WASHC2C: variants seen among roughly 807,000 people sequenced by gnomAD.
The protein encoded by WASHC2C is Vaccinia Penetration Factor.
In WASHC2C, 73 loss-of-function variants were observed where a neutral mutation model predicts 142.2. That is an observed-to-expected ratio of 0.51 (90% CI 0.43 to 0.62). The LOEUF (loss-of-function observed/expected upper bound fraction) is 0.62. Ranked by LOEUF, WASHC2C falls within the 20% of genes least tolerant of loss-of-function variation. WASHC2C has a pLI of 0.00. For synonymous variants in WASHC2C, 337 were observed against 565.5 expected (o/e 0.60, Z 5.73); for missense variants, 969 against 1,531.7 (o/e 0.63, Z 6.13).
In WASHC2C at chr10:45,790,391, T is replaced by A; in HGVS notation, c.3744T>A (p.Ser1248=). Residue 1248 remains serine (S), a synonymous_variant, in exon 30 of 31, where the codon TCT becomes TCA. Transcript: ENST00000623400. ...DIFATEAIKP[S]QKTREKEKTL... ...TTGCTACGGAAGCAATTAAACCCTC[T>A]CAGAAAACCAGAGAGAAGGAGAAAA... 6.2e-7 allele frequency: 1 copy of A among 1,610,704 alleles called. No homozygotes were observed. The highest frequency in any genetic ancestry group is 8.5e-7 in the Non-Finnish European group (1 of 1,179,626).
chr10:45,791,820 A>G lies in WASHC2C; in HGVS notation c.3887-441A>G, dbSNP rs1394784604. On this transcript the variant is annotated intron_variant, in intron 30 of 30. Coordinates refer to ENST00000623400, the MANE Select transcript of WASHC2C (RefSeq NM_001330074.2). ...CAGTGACGGAGGCTTACAGTCTTACATCGAGATGCCTCAAATCAGTGCATT... is the reference window on the plus strand; with the variant it reads ...CAGTGACGGAGGCTTACAGTCTTACGTCGAGATGCCTCAAATCAGTGCATT... Among the ~76,000 whole-genome samples, 2 of 146,272 alleles carry G rather than the reference A, an allele frequency of 1.4e-5. 1 individual carries two copies.
chr10:45,785,570 A>C lies in WASHC2C; in HGVS notation c.2750A>C (p.Lys917Thr). 1 of 1,613,992 alleles carries C rather than the reference A, an allele frequency of 6.2e-7. No individual in the cohort carries two copies. The highest frequency in any genetic ancestry group is 8.5e-7 in the Non-Finnish European group (1 of 1,179,868). The stretch of plus-strand genomic sequence containing the variant: ...TCTGTTAACTCTTTCAAAAACCAGA[A>C]ACATCCTGAATCCATTCAAGGTAGT... Reference protein sequence around the residue: ...DHSVNSFKNQKHPESIQGSKE... With the variant: ...DHSVNSFKNQTHPESIQGSKE... Residue 917 changes from lysine (K) to threonine (T), a missense_variant, in exon 26 of 31, where the codon AAA becomes ACA. Transcript: ENST00000623400.
chr10:45,740,773 C>A (rs1302198386), intron 5 of WASHC2C, among the ~76,000 whole-genome samples: 1 of 152,200 alleles, frequency 6.6e-6, no homozygotes, highest in Non-Finnish European at 1.5e-5. Context: ...TGTCCAGGCT[C>A]CCTCATAGCC....
At chr10:45,754,623 T>C (rs1209213128) in intron 14 of WASHC2C, 78 bp downstream of exon 14, 108 of 1,365,074 alleles carry the variant, frequency 7.9e-5, no homozygotes, top group East Asian at 1.0e-4. Context: ...TCTTCTAAAG[T>C]CTGGCTGGAG....
At chr10:45,740,321 A>ATGCCC (rs2134257111) in intron 5 of WASHC2C, 75 bp downstream of exon 5, 10 of 538,864 alleles carry the variant, frequency 1.9e-5, no homozygotes, top group Admixed American at 1.3e-4. Flanking sequence ...CACGATTAGT[A>ATGCCC]AGTCATGGAC....
At chr10:45,731,197 A>G (rs1467179060) in intron 3 of WASHC2C, among the ~76,000 whole-genome samples, 2 of 143,898 alleles carry the variant, frequency 1.4e-5, no homozygotes, top group African/African-American at 2.6e-5. Context: ...TTTTCCATCC[A>G]TCTCTCCATC....
chr10:45,752,556 C>T (rs2053735682), intron 11 of WASHC2C, 32 bp from the exon 12 acceptor site: 11 of 1,568,740 alleles, frequency 7.0e-6, no homozygotes, highest in Non-Finnish European at 9.6e-6. Flanking sequence ...ATCTTTAATA[C>T]TCCCTGCAAA....
chr10:45,727,682 G>T, intron 2 of WASHC2C, 143 bp downstream of exon 2: 1 of 1,276,672 alleles, frequency 7.8e-7, no homozygotes, highest in Non-Finnish European at 1.0e-6. Flanking sequence ...TAGCCCCCGA[G>T]AATGCCACCC....
intron 21 of WASHC2C, among the ~76,000 whole-genome samples, chr10:45,773,892 CAAAAAAA>C (rs71023148): frequency 4.7e-3 from 145 of 31,094 alleles, no homozygotes; most frequent in Middle Eastern, 0.029. Flanking sequence ...TACTGCAGGC[CAAAAAAA>C]AAAAAAAAAA....
At chr10:45,731,654 C>T (rs1446854969) in intron 3 of WASHC2C, among the ~76,000 whole-genome samples, 2 of 151,996 alleles carry the variant, frequency 1.3e-5, no homozygotes, top group African/African-American at 2.4e-5. Flanking sequence ...ATCTTAATTA[C>T]TTCCCAGACC....
In WASHC2C at chr10:45,769,688, A is replaced by C. The variant is rs536623089; in HGVS notation, c.2039+70A>C. The C allele has an allele frequency of 2.1e-5, 34 of 1,609,080 alleles. No individual in the cohort carries two copies. The African/African-American group carries it at 4.4e-4, about 21-fold the overall frequency. On this transcript the variant is annotated intron_variant, in intron 20 of 30. Coordinates refer to ENST00000623400, the MANE Select transcript of WASHC2C (RefSeq NM_001330074.2). The stretch of plus-strand genomic sequence containing the variant: ...AACAAGAAAAGGAATCTGATGCACA[A>C]TCTAGTTCATCGGGTGATTGCTAAT...
At chr10:45,791,023 GT>G (rs1411812623) in intron 30 of WASHC2C, among the ~76,000 whole-genome samples, 2 of 152,074 alleles carry the variant, frequency 1.3e-5, no homozygotes, top group African/African-American at 4.8e-5. Context: ...GGTCTTTGGT[GT>G]TTGGGAACAA....
At chr10:45,751,829 T>C (rs1315531980) in intron 11 of WASHC2C, among the ~76,000 whole-genome samples, 5 of 151,816 alleles carry the variant, frequency 3.3e-5, no homozygotes, top group Non-Finnish European at 5.9e-5. Context: ...TACAAAAAAT[T>C]AGCTTGGCAT....
chr10:45,735,835 G>A (rs2051156047), intron 3 of WASHC2C, among the ~76,000 whole-genome samples: 1 of 152,128 alleles, frequency 6.6e-6, no homozygotes, highest in Non-Finnish European at 1.5e-5. Flanking sequence ...TTGGGTAAGG[G>A]GCACTTGAGT....
intron 15 of WASHC2C, among the ~76,000 whole-genome samples, chr10:45,756,779 A>G (rs559426658): frequency 1.5e-3 from 226 of 152,390 alleles, no homozygotes; most frequent in African/African-American, 5.0e-3. Context: ...TTGGATAAGC[A>G]TGTCAGCCAC....
intron 13 of WASHC2C, among the ~76,000 whole-genome samples, 187 bp downstream of exon 13, chr10:45,753,424 T>C (rs1447082165): frequency 2.1e-5 from 3 of 143,356 alleles, no homozygotes; most frequent in Non-Finnish European, 3.0e-5. Context: ...AACAGTACCA[T>C]CTGTAAACCC....
At chr10:45,761,823 C>A (rs1187798871) in intron 17 of WASHC2C, among the ~76,000 whole-genome samples, 1 of 152,152 alleles carries the variant, frequency 6.6e-6, no homozygotes, top group Non-Finnish European at 1.5e-5. Context: ...CAGCAGAACC[C>A]TTTCTCTTGC....
At chr10:45,749,366 C>T (rs1449441255) in intron 8 of WASHC2C, among the ~76,000 whole-genome samples, 6 of 150,424 alleles carry the variant, frequency 4.0e-5, no homozygotes, top group Non-Finnish European at 5.9e-5. Flanking sequence ...ACCTAGGAGG[C>T]GGAGGTTGCA....
At chr10:45,748,551 A>G (rs1274522997) in intron 8 of WASHC2C, among the ~76,000 whole-genome samples, 2 of 152,326 alleles carry the variant, frequency 1.3e-5, no homozygotes, top group Non-Finnish European at 2.9e-5. Context: ...CAGCTTCCCA[A>G]AGTGTTGGGA....
Sources: gnomAD v4.1 joint callset for allele counts (sites outside exome capture counted in the v4.1 genomes callset) on GRCh38, gnomAD v4.1.1 for gene constraint, MANE v1.5 for transcripts, NCBI Gene and HGNC (gene_info 2026-07-23, HGNC 2026-07-21) for gene names.